The following EML2 variants were observed in gnomAD, a reference collection of about 807,000 sequenced individuals.
The protein encoded by EML2 is echinoderm microtubule-associated protein-like 2.
EML2 carries 59 observed loss-of-function variants against 84.7 expected under a neutral mutation model. The ratio of observed to expected loss-of-function variants is 0.70; its 90% CI spans 0.56 to 0.86. EML2 has a LOEUF of 0.86. Among genes scored for constraint, EML2 ranks in the 40% least tolerant of loss-of-function variants. The pLI is 0.00. For missense variants in EML2, 818 were observed against 855.6 expected (o/e 0.96, Z 0.55); for synonymous variants, 352 against 348.9 (o/e 1.01, Z -0.10).
At chr19:45,611,516 C>T (rs969772631) in intron 18 of EML2, among the ~76,000 whole-genome samples, 7 of 150,880 alleles carry the variant, frequency 4.6e-5, no homozygotes, top group African/African-American at 1.7e-4. Context: ...GACAGAATCT[C>T]GCTCTTTTGC....
chr19:45,644,454 A>G (rs35650950), upstream of EML2, among the ~76,000 whole-genome samples: 1 of 151,984 alleles, frequency 6.6e-6, no homozygotes, highest in African/African-American at 2.4e-5. Context: ...GTGTGCCCAG[A>G]GGACTGAACC....
intron 7 of EML2, among the ~76,000 whole-genome samples, chr19:45,627,178 C>A (rs932412994): frequency 6.6e-6 from 1 of 151,562 alleles, no homozygotes; most frequent in Non-Finnish European, 1.5e-5. Flanking sequence ...CGGCTGGTCT[C>A]GAACTCTTTA....
rs1157832269 is a variant in EML2, at chr19:45,615,854, G to A, written c.1545C>T (p.Ala515=). 7 of 1,613,996 alleles carry A rather than the reference G, an allele frequency of 4.3e-6. No homozygotes were observed. Among genetic ancestry groups the A allele is most frequent in the Non-Finnish European group, 5.9e-6 (7 of 1,179,958 alleles). Residue 515 remains alanine, a synonymous_variant, in exon 16 of 19, where the codon GCC becomes GCT. Coordinates refer to ENST00000245925, the MANE Select transcript of EML2 (RefSeq NM_012155.4). The part of the protein sequence containing the change: ...HSSFITHLDW[A]QDSSCFVTNS... Reference sequence around the variant, plus strand: ...TGGTGACAAAGCAGCTGCTGTCCTGGGCCCAATCCAGGTGGGTGATAAAAC... The same window carrying A: ...TGGTGACAAAGCAGCTGCTGTCCTGAGCCCAATCCAGGTGGGTGATAAAAC...
intron 7 of EML2, among the ~76,000 whole-genome samples, chr19:45,627,308 T>G (rs1236593094): frequency 2.2e-5 from 3 of 134,454 alleles, no homozygotes; most frequent in Non-Finnish European, 4.6e-5. Context: ...CAGGCTGGAG[T>G]GCGGTAGCAC....
intron 18 of EML2, among the ~76,000 whole-genome samples, chr19:45,610,133 C>G (rs1343222982): frequency 6.6e-6 from 1 of 152,192 alleles, no homozygotes; most frequent in Non-Finnish European, 1.5e-5. Flanking sequence ...CGTGGTGGCT[C>G]ACGCCTGTAA....
chr19:45,626,508 G>C (rs73050355), intron 8 of EML2, among the ~76,000 whole-genome samples, 197 bp downstream of exon 8: 26 of 150,098 alleles, frequency 1.7e-4, no homozygotes, highest in African/African-American at 6.1e-4. Flanking sequence ...CATGGTGCCC[G>C]GTCACCCTCT....
intron 18 of EML2, among the ~76,000 whole-genome samples, chr19:45,610,989 G>C (rs1461739360): frequency 1.3e-5 from 2 of 152,180 alleles, no homozygotes; most frequent in Non-Finnish European, 2.9e-5. Flanking sequence ...TTTGGACCCT[G>C]GTTCAAACAA....
chr19:45,626,794 G>C lies in EML2; in HGVS notation c.652C>G (p.Pro218Ala), dbSNP rs1356025125. 2.7e-5 allele frequency: 43 copies of C among 1,613,598 alleles called. No individual in the cohort carries two copies. Among genetic ancestry groups the C allele is most frequent in the Non-Finnish European group, 3.5e-5 (41 of 1,179,878 alleles). Residue 218 changes from proline to alanine, a missense_variant, in exon 8 of 19, where the codon CCC (proline) becomes GCC (alanine). Physicochemically the swap from Pro to Ala is conservative, Grantham distance 27. Coordinates refer to ENST00000245925, the MANE Select transcript of EML2 (RefSeq NM_012155.4). The part of the protein sequence containing the change: ...VLVATFHPTD[P>A]TVLITCGKSH... ...TTCCCGCAGGTGATAAGCACAGTGG[G>C]GTCCGTGGGGTGGAAGGTGGCCACC...
At chr19:45,631,880 T>C (rs890176305) in intron 6 of EML2, among the ~76,000 whole-genome samples, 9 of 136,698 alleles carry the variant, frequency 6.6e-5, no homozygotes, top group Non-Finnish European at 9.5e-5. Context: ...CCCAGCTAAT[T>C]AGAATTTTTT....
In EML2 at chr19:45,624,830, G is replaced by C; in HGVS notation, c.742-12C>G. On this transcript the variant is annotated splice_polypyrimidine_tract_variant and intron_variant, in intron 8 of 18. Transcript: ENST00000245925. The stretch of plus-strand genomic sequence containing the variant: ...GGTTTCTCATGTTTCTAAGGTGGGG[G>C]AGGAAAGGAAGGTGTCAGAGCGTCA... The C allele has an allele frequency of 6.3e-7, 1 of 1,599,422 alleles. No individual in the cohort carries two copies. The highest frequency in any genetic ancestry group is 8.5e-7 in the Non-Finnish European group (1 of 1,170,816).
chr19:45,618,074 A>AT (rs1230997168), intron 12 of EML2, among the ~76,000 whole-genome samples: 8 of 151,614 alleles, frequency 5.3e-5, no homozygotes, highest in Admixed American at 3.3e-4. Context: ...ATTTTTATTT[A>AT]TTTTTTTGAG....
upstream of EML2, chr19:45,642,581 G>A: frequency 7.6e-7 from 1 of 1,316,392 alleles, no homozygotes; most frequent in East Asian, 3.0e-5. Context: ...ACAGCGCGCT[G>A]GCCGTGTGAC....
chr19:45,614,935 T>A, intron 16 of EML2: 1 of 432,684 alleles, frequency 2.3e-6, no homozygotes, highest in Non-Finnish European at 4.3e-6. Context: ...GTGGCTCACG[T>A]CTGTAATCCC....
chr19:45,616,423 G>C (rs918967228), intron 15 of EML2, 38 bp downstream of exon 15: 5 of 1,505,074 alleles, frequency 3.3e-6, no homozygotes, highest in Non-Finnish European at 3.6e-6. Context: ...CCCCCTGGGC[G>C]GGGTGGCGGC....
At chr19:45,634,497 G>T in intron 3 of EML2, 26 bp from the exon 4 acceptor site, 1 of 1,585,338 alleles carries the variant, frequency 6.3e-7, no homozygotes, top group South Asian at 1.1e-5. Context: ...GGCTGGTTAA[G>T]GAATGTGTTT....
intron 3 of EML2, among the ~76,000 whole-genome samples, chr19:45,636,413 GT>G (rs979349280): frequency 6.6e-6 from 1 of 152,026 alleles, no homozygotes; most frequent in Non-Finnish European, 1.5e-5. Flanking sequence ...AGATTGGGCT[GT>G]TTTTTTTGTT....
chr19:45,629,847 C>T (rs1972815887), intron 7 of EML2, 104 bp downstream of exon 7: 1 of 908,344 alleles, frequency 1.1e-6, no homozygotes, highest in African/African-American at 1.6e-5. Context: ...GGAGTAAAGC[C>T]AGGGCTTAAA....
chr19:45,621,109 G>T, intron 11 of EML2, 98 bp downstream of exon 11: 5 of 1,498,172 alleles, frequency 3.3e-6, no homozygotes, highest in Non-Finnish European at 4.5e-6. Context: ...GAGCAGGGAG[G>T]TGAGGAGAAC....
chr19:45,624,588 C>T, intron 9 of EML2, 131 bp downstream of exon 9: 1 of 674,724 alleles, frequency 1.5e-6, no homozygotes, highest in Non-Finnish European at 2.6e-6. Context: ...TGAGCTGAAC[C>T]TTGACGAGGG....
Sources: allele counts gnomAD v4.1 joint callset (sites outside exome capture counted in the v4.1 genomes callset), GRCh38; gene constraint gnomAD v4.1.1; transcripts MANE v1.5; gene names NCBI Gene and HGNC (gene_info 2026-07-23, HGNC 2026-07-21).